The following AFF1 variants were observed in gnomAD, a reference collection of about 807,000 sequenced individuals.
The protein encoded by AFF1 is AF4/FMR2 family member 1.
AFF1 carries 48 observed loss-of-function variants against 121.7 expected under a neutral mutation model. The ratio of observed to expected loss-of-function variants is 0.39; its 90% CI spans 0.31 to 0.50. The LOEUF (loss-of-function observed/expected upper bound fraction) is 0.50. Ranked by LOEUF, AFF1 falls within the 20% of genes least tolerant of loss-of-function variation. The probability of loss-of-function intolerance (pLI) is 0.76; values close to 1 mark genes in which losing one functional copy is unlikely to be tolerated. For synonymous variants in AFF1, 613 were observed against 563.0 expected (o/e 1.09, Z -1.26); for missense variants, 1,523 against 1,511.7 (o/e 1.01, Z -0.12).
Position 87,126,291 on chromosome 4 carries a change from G to A in AFF1, c.2766G>A (p.Gln922=). ...SNHKDSSIPK[Q]RRVEGKGSRS... ...ACAAAGACTCTTCCATTCCCAAGCA[G>A]AGAAGAGTAGAGGGGAAGGGCTCCA... is the stretch of plus-strand genomic sequence containing the variant. Residue 922 remains glutamine, a synonymous_variant, in exon 14 of 21, where the codon CAG becomes CAA. Coordinates refer to ENST00000395146, the MANE Select transcript of AFF1 (RefSeq NM_001166693.3). 6.2e-7 allele frequency: 1 copy of A among 1,614,106 alleles called. No homozygotes were observed. Among genetic ancestry groups the A allele is most frequent in the Non-Finnish European group, 8.5e-7 (1 of 1,180,036 alleles).
intron 1 of AFF1, among the ~76,000 whole-genome samples, chr4:86,946,369 G>A (rs1042571948): frequency 2.0e-5 from 3 of 152,028 alleles, no homozygotes; most frequent in African/African-American, 4.8e-5. Flanking sequence ...TATTTTTTAT[G>A]TTTTTTGAGG....
chr4:87,078,258 AG>A (rs1722862073), intron 4 of AFF1, among the ~76,000 whole-genome samples: 5 of 152,192 alleles, frequency 3.3e-5, no homozygotes, highest in Admixed American at 2.0e-4. Flanking sequence ...ATTTACATGT[AG>A]TTTAGTTTGT....
chr4:87,127,246 C>A, intron 15 of AFF1, 129 bp downstream of exon 15: 1 of 774,650 alleles, frequency 1.3e-6, no homozygotes, highest in East Asian at 2.7e-5. Context: ...CTGCAACCTC[C>A]ACCTCCCGGG....
rs371462578 is a variant in AFF1, at chr4:86,964,484, G to A, written c.38+15913G>A. On this transcript the variant is annotated intron_variant, in intron 2 of 20. Coordinates refer to ENST00000395146, the MANE Select transcript of AFF1 (RefSeq NM_001166693.3). Reference sequence around the variant, plus strand: ...GAGTTTCACTCTTGTTGCCCAGGCTGGAGTGCAATGGTGCAACCTCTGCTC... The same window carrying A: ...GAGTTTCACTCTTGTTGCCCAGGCTAGAGTGCAATGGTGCAACCTCTGCTC... Among the ~76,000 whole-genome samples, 15 of 146,744 alleles carry A rather than the reference G, an allele frequency of 1.0e-4. No individual in the cohort carries two copies. In the East Asian group the frequency reaches 3.0e-3, roughly 29 times the overall value.
intron 1 of AFF1, among the ~76,000 whole-genome samples, chr4:86,938,444 C>A (rs796850122): frequency 7.9e-6 from 1 of 126,648 alleles, no homozygotes; most frequent in African/African-American, 3.1e-5. Context: ...AGCAAGACTC[C>A]GTCTCAAAAA....
chr4:87,105,943 A>C (rs1725870799), intron 10 of AFF1, 98 bp downstream of exon 10: 4 of 1,449,300 alleles, frequency 2.8e-6, no homozygotes, highest in Non-Finnish European at 3.9e-6. Context: ...ATTTTTTGTC[A>C]TGGGAAGGAG....
chr4:86,956,449 A>G (rs1482723241), intron 2 of AFF1, among the ~76,000 whole-genome samples: 1 of 152,214 alleles, frequency 6.6e-6, no homozygotes, highest in South Asian at 2.1e-4. Flanking sequence ...AAACAACAGA[A>G]GTAACTTTAT....
intron 14 of AFF1, 142 bp downstream of exon 14, chr4:87,126,478 C>G (rs1728261862): frequency 2.7e-6 from 2 of 734,594 alleles, no homozygotes; most frequent in East Asian, 2.6e-5. Flanking sequence ...TAAAATGCTA[C>G]TTTTTGGAGG....
At position 87,047,428 on chromosome 4, in the gene AFF1, C is replaced by T. The variant is rs561558992; in HGVS notation, c.893C>T (p.Thr298Met). 1.9e-6 allele frequency: 3 copies of T among 1,614,172 alleles called. No homozygotes were observed. The highest frequency in any genetic ancestry group is 1.7e-5 in the Admixed American group (1 of 60,024). The stretch of plus-strand genomic sequence containing the variant: ...AGTGTTGCAATGCAGCAGAAGCCCA[C>T]GGCTTATGTCCGGCCCATGGATGGT... ...SKSVAMQQKP[T>M]AYVRPMDGQD... is the part of the protein sequence containing the mutation. The change falls in exon 4 of 21, where the codon ACG becomes ATG. Residue 298 changes from threonine to methionine, a missense_variant. Physicochemically the swap from Thr to Met is moderately conservative, Grantham distance 81 (BLOSUM62 -1). Around this residue, in one of 5 missense-constraint regions of AFF1, gnomAD observed 2 missense variants for 18.0 expected, o/e 0.11. Coordinates refer to ENST00000395146, the MANE Select transcript of AFF1 (RefSeq NM_001166693.3).
intron 8 of AFF1, among the ~76,000 whole-genome samples, chr4:87,104,609 T>A (rs1185340345): frequency 6.6e-6 from 1 of 152,144 alleles, no homozygotes; most frequent in Admixed American, 6.5e-5. Flanking sequence ...AACATAGTGA[T>A]TTTTACCAGG....
rs56741955 is a variant in AFF1 at position 86,998,098 on chromosome 4, C to CAAAAAAAAAAAA, written c.39-48050_39-48039dup. 1.5e-3 allele frequency among the ~76,000 whole-genome samples: 139 copies of CAAAAAAAAAAAA among 91,740 alleles called. 1 individual carries two copies. The highest frequency in any genetic ancestry group is 2.0e-3 in the South Asian group (5 of 2,512). The allele number at this position is 91,740 out of a possible 152,430, so 60.2% of individuals were successfully genotyped here. On this transcript the variant is annotated intron_variant, in intron 2 of 20. Coordinates refer to ENST00000395146, the MANE Select transcript of AFF1 (RefSeq NM_001166693.3). ...AGGCAATAAGAGCGAAACTCCGTCT[C>CAAAAAAAAAAAA]AAAAAAAAAAAAAAAAAAAAAAAAA...
rs1008370016 is a variant in AFF1 at position 87,090,176 on chromosome 4, A to G, written c.1191+106A>G. 7 of 895,928 alleles carry G rather than the reference A, an allele frequency of 7.8e-6. No homozygotes were observed. The African/African-American group carries it at 1.2e-4, about 15-fold the overall frequency. The allele number at this position is 895,928 out of a possible 1,614,324, so 55.5% of individuals were successfully genotyped here. On this transcript the variant is annotated intron_variant, in intron 6 of 20. Transcript: ENST00000395146. ...GTATTACTTGTTCAAATCTTTGGAAATGAGGTTAAAATTATGATTAATTTA... is the reference window on the plus strand; with the variant it reads ...GTATTACTTGTTCAAATCTTTGGAAGTGAGGTTAAAATTATGATTAATTTA...
intron 2 of AFF1, among the ~76,000 whole-genome samples, chr4:86,968,232 T>G (rs1722669633): frequency 6.6e-6 from 1 of 152,224 alleles, no homozygotes; most frequent in South Asian, 2.1e-4. Context: ...GGCATTTAAA[T>G]TGTTTTTGTT....
At chr4:87,128,739 C>T (rs886668602) in intron 16 of AFF1, among the ~76,000 whole-genome samples, 4 of 152,208 alleles carry the variant, frequency 2.6e-5, no homozygotes, top group Non-Finnish European at 2.9e-5. Context: ...ATGTTGATTC[C>T]TTACCATGCT....
At chr4:86,964,435 CTTTT>C (rs567637293) in intron 2 of AFF1, among the ~76,000 whole-genome samples, 1 of 127,494 alleles carries the variant, frequency 7.8e-6, no homozygotes, top group Non-Finnish European at 1.6e-5. Flanking sequence ...TTCTATACAT[CTTTT>C]TTTTTTTTTT....
chr4:86,967,322 AAAAAC>A (rs1252999925), intron 2 of AFF1, among the ~76,000 whole-genome samples: 76 of 152,288 alleles, frequency 5.0e-4, no homozygotes, highest in African/African-American at 1.8e-3. Flanking sequence ...GGCGAAAAGA[AAAAAC>A]AAAACAGAAG....
At chr4:86,941,841 A>G (rs1268172639) in intron 1 of AFF1, among the ~76,000 whole-genome samples, 1 of 146,704 alleles carries the variant, frequency 6.8e-6, no homozygotes, top group Non-Finnish European at 1.5e-5. Context: ...CTCGAAAAAG[A>G]TAATCTGAAA....
At chr4:87,132,160 C>A in intron 18 of AFF1, 111 bp from the exon 19 acceptor site, 1 of 1,279,772 alleles carries the variant, frequency 7.8e-7, no homozygotes, top group Admixed American at 2.6e-5. Context: ...TACATACTAA[C>A]TCACACAGGT....
intron 4 of AFF1, among the ~76,000 whole-genome samples, chr4:87,079,556 C>G (rs1722974959): frequency 6.6e-6 from 1 of 152,192 alleles, no homozygotes; most frequent in Admixed American, 6.5e-5. Flanking sequence ...CAACTGGAAT[C>G]ACACACCCTC....
Sources: allele counts gnomAD v4.1 joint callset (sites outside exome capture counted in the v4.1 genomes callset), GRCh38; gene constraint gnomAD v4.1.1; regional missense constraint gnomAD v4.1.1; transcripts MANE v1.5; gene names NCBI Gene and HGNC (gene_info 2026-07-23, HGNC 2026-07-21).